Variants in PNOC observed in about 807,000 individuals in gnomAD.
PNOC encodes nociceptin.
A neutral mutation model predicts 15.6 loss-of-function variants in PNOC; 10 were observed. That is an observed-to-expected ratio of 0.64 (90% confidence interval 0.40 to 1.09). The LOEUF (loss-of-function observed/expected upper bound fraction) is 1.09, where lower values mean the gene tolerates loss of function less well. Ranked by LOEUF, PNOC falls within the 50% of genes least tolerant of loss-of-function variation. PNOC has a pLI of 0.01. For synonymous variants in PNOC, 98 were observed against 88.5 expected, an observed-to-expected ratio of 1.11 and a Z score of -0.60; for missense variants, 220 against 223.9, an observed-to-expected ratio of 0.98 and a Z score of 0.11.
rs1444137764 is a variant in PNOC at position 28,342,816 on chromosome 8, G to GAAC, written c.*48-125_*48-123dup. The GAAC allele has an allele frequency of 2.9e-5, 6 of 206,146 alleles. No individual in the cohort carries two copies. The South Asian group carries it at 1.0e-3, about 35-fold the overall frequency. 12.8% of individuals were successfully genotyped at this position (206,146 alleles called of 1,614,324 possible). ...CTGAGGACCCCTCTGGCTACGTTAG[G>GAAC]AACGATTTACTTGGGTTGATAGCTT... On this transcript the variant is annotated intron_variant, in intron 3 of 3. Transcript: ENST00000301908.
At chr8:28,336,968 C>A (rs1801421528) in intron 2 of PNOC, among the ~76,000 whole-genome samples, 2 of 151,740 alleles carry the variant, frequency 1.3e-5, no homozygotes, top group South Asian at 4.2e-4. Context: ...AGCAGAAGGA[C>A]AAATATATCA....
In PNOC at chr8:28,339,212, G is replaced by C. The variant is rs533728896; in HGVS notation, c.299G>C (p.Arg100Pro). The change falls in exon 3 of 4, where the codon CGA becomes CCA. Residue 100 changes from arginine (R) to proline (P), a missense_variant. Physicochemically the swap from Arg to Pro is moderately radical, Grantham distance 103. Transcript: ENST00000301908. Reference sequence around the variant, plus strand: ...ATGCAGCATCTGCGGCGAATGCCCCGAGTCCGGAGCTTGTTCCAGGAGCAG... The same window carrying C: ...ATGCAGCATCTGCGGCGAATGCCCCCAGTCCGGAGCTTGTTCCAGGAGCAG... ...SEMQHLRRMP[R>P]VRSLFQEQEE... 111 of 1,612,952 alleles carry C rather than the reference G, an allele frequency of 6.9e-5. 2 individuals are homozygous for C. In the South Asian group the frequency reaches 1.1e-3, roughly 16 times the overall value.
intron 1 of PNOC, among the ~76,000 whole-genome samples, chr8:28,320,749 G>T (rs1285004333): frequency 6.6e-6 from 1 of 151,780 alleles, no homozygotes; most frequent in African/African-American, 2.4e-5. Flanking sequence ...TACTCGGGAG[G>T]CTGAGGCAGG....
intron 2 of PNOC, among the ~76,000 whole-genome samples, chr8:28,333,795 A>G (rs774705494): frequency 1.4e-4 from 21 of 152,192 alleles, no homozygotes; most frequent in Non-Finnish European, 2.4e-4. Context: ...AGAAAAATTC[A>G]ACAAGCAGTT....
chr8:28,327,474 G>A (rs2614095), intron 1 of PNOC, among the ~76,000 whole-genome samples: 49,440 of 151,902 alleles, frequency 0.33, 9,939 homozygotes, highest in Non-Finnish European at 0.46. Flanking sequence ...GAATAACATG[G>A]CCCTTTGCTC....
chr8:28,332,922 G>T (rs185544679), intron 2 of PNOC, among the ~76,000 whole-genome samples: 29 of 152,316 alleles, frequency 1.9e-4, no homozygotes, highest in African/African-American at 6.5e-4. Flanking sequence ...CTGCACTCCA[G>T]CCTGGGGGAC....
intron 1 of PNOC, among the ~76,000 whole-genome samples, chr8:28,320,020 A>ACAATTAGTT (rs1247017309): frequency 6.7e-6 from 1 of 149,982 alleles, no homozygotes; most frequent in African/African-American, 2.5e-5. Flanking sequence ...TGGATAGGCT[A>ACAATTAGTT]CAATTAGTTT....
At chr8:28,328,056 TCTC>T (rs1331938273) in intron 1 of PNOC, among the ~76,000 whole-genome samples, 11 of 127,728 alleles carry the variant, frequency 8.6e-5, no homozygotes, top group African/African-American at 2.8e-4. Flanking sequence ...CATCTCTCTC[TCTC>T]TTTTTTTTTT....
In PNOC at chr8:28,337,434, G is replaced by A. The variant is rs539994047; in HGVS notation, c.127-1606G>A. ...TTTGCTTCAGCCTCCCCAGTAGCTG[G>A]GATTACAGGCAGCCATCACCACACC... On this transcript the variant is annotated intron_variant, in intron 2 of 3. Coordinates refer to ENST00000301908, the MANE Select transcript of PNOC (RefSeq NM_006228.5). Among the ~76,000 whole-genome samples the A allele has an allele frequency of 2.3e-4, 35 of 152,206 alleles. 1 individual carries two copies. The Middle Eastern group carries it at 0.01, about 44-fold the overall frequency.
intron 1 of PNOC, among the ~76,000 whole-genome samples, chr8:28,320,092 CTTTTT>C (rs34876964): frequency 1.2e-3 from 36 of 29,714 alleles, no homozygotes; most frequent in South Asian, 9.4e-3. Context: ...TTCTTTCTTT[CTTTTT>C]TTTTTTTTTT....
rs1280622457 is a variant in PNOC at position 28,335,708 on chromosome 8, A to T, written c.127-3332A>T. Reference sequence around the variant, plus strand: ...ACGCCCAGCTTATTTTTTGTATTTTAAGTAGAGACAGGGTTTCTCCATGTT... The same window carrying T: ...ACGCCCAGCTTATTTTTTGTATTTTTAGTAGAGACAGGGTTTCTCCATGTT... On this transcript the variant is annotated intron_variant, in intron 2 of 3. Coordinates refer to ENST00000301908, the MANE Select transcript of PNOC (RefSeq NM_006228.5). Among the ~76,000 whole-genome samples the T allele has an allele frequency of 2.0e-5, 3 of 151,954 alleles. 1 individual carries two copies. The East Asian group carries it at 5.8e-4, about 29-fold the overall frequency.
Position 28,339,487 on chromosome 8 carries a change from C to T in PNOC, c.*43C>T, listed in dbSNP as rs769578763. On this transcript the variant is annotated 3_prime_UTR_variant, in exon 3 of 4. Coordinates refer to ENST00000301908, the MANE Select transcript of PNOC (RefSeq NM_006228.5). ...CCCAGCTGTACCGGCCACTGCAACC[C>T]ATGAGTGAGTTGGGCACCAATAAGC... The T allele has an allele frequency of 2.7e-6, 4 of 1,498,810 alleles. No homozygotes were observed. The highest frequency in any genetic ancestry group is 3.6e-6 in the Non-Finnish European group (4 of 1,125,728). The allele number at this position is 1,498,810 out of a possible 1,614,324, so 92.8% of individuals were successfully genotyped here.
chr8:28,329,054 C>A, intron 1 of PNOC, 81 bp from the exon 2 acceptor site: 1 of 1,363,532 alleles, frequency 7.3e-7, no homozygotes, highest in Non-Finnish European at 1.0e-6. Context: ...GTCTTTCCTG[C>A]ATTCTCTGGG....
In PNOC at chr8:28,339,438, T is replaced by C. The variant is rs764390309; in HGVS notation, c.525T>C (p.Asn175=). 1.6e-5 allele frequency: 24 copies of C among 1,528,010 alleles called. No homozygotes were observed. Among genetic ancestry groups the C allele is most frequent in the Non-Finnish European group, 1.9e-5 (22 of 1,134,458 alleles). The allele number at this position is 1,528,010 out of a possible 1,614,324, so 94.7% of individuals were successfully genotyped here. The change falls in exon 3 of 4, where the codon AAT becomes AAC. Residue 175 remains asparagine (N), a synonymous_variant. Transcript: ENST00000301908. ...GGCGCACCCTGCACCAGAATGGTAA[T>C]GTGTAGCCGGAAGGGGCGCTCCTCC... ...QRRRTLHQNG[N]V
chr8:28,318,901 G>A (rs191521828), intron 1 of PNOC, among the ~76,000 whole-genome samples: 3 of 152,348 alleles, frequency 2.0e-5, no homozygotes, highest in Non-Finnish European at 1.5e-5. Context: ...AGTGAAGGGA[G>A]TGATTGCAGG....
At chr8:28,330,397 T>TTTTATTTTA (rs1491220831) in intron 2 of PNOC, among the ~76,000 whole-genome samples, 14 of 80,792 alleles carry the variant, frequency 1.7e-4, no homozygotes, top group African/African-American at 5.3e-4. Context: ...TTTTATTTTA[T>TTTTATTTTA]TTTTTTTTTT....
chr8:28,330,406 T>TTTATTTTATTTTATTTTATTTTA (rs1563328736), intron 2 of PNOC, among the ~76,000 whole-genome samples: 8 of 98,204 alleles, frequency 8.1e-5, no homozygotes, highest in African/African-American at 4.4e-4. Flanking sequence ...ATTTTTTTTT[T>TTTATTTTATTTTATTTTATTTTA]TTTTTTGAGA....
intron 2 of PNOC, among the ~76,000 whole-genome samples, chr8:28,331,671 C>A (rs989314318): frequency 1.3e-5 from 2 of 152,224 alleles, no homozygotes. Context: ...CCTCCTCCCC[C>A]ATCCATAAAT....
intron 2 of PNOC, among the ~76,000 whole-genome samples, chr8:28,337,626 A>G (rs1389327236): frequency 8.5e-6 from 1 of 118,290 alleles, no homozygotes; most frequent in Non-Finnish European, 1.6e-5. Context: ...TCTGTCGCCC[A>G]GCGTCAAGTG....
Sources: allele counts gnomAD v4.1 joint callset (sites outside exome capture counted in the v4.1 genomes callset), GRCh38; gene constraint gnomAD v4.1.1; transcripts MANE v1.5; gene names NCBI Gene and HGNC (gene_info 2026-07-23, HGNC 2026-07-21).